Variants in RPS3A observed in about 807,000 individuals in gnomAD.
RPS3A encodes small ribosomal subunit protein eS1.
Under a neutral mutation model 26.4 loss-of-function variants are expected in RPS3A, and 1 was observed. The observed-to-expected ratio is 0.04, with a 90% CI of 0.01 to 0.18. The LOEUF is 0.18. Among genes scored for constraint, RPS3A ranks in the 10% least tolerant of loss-of-function variants. The pLI, the probability that RPS3A is intolerant of heterozygous loss-of-function variation, is 1.00. For synonymous variants in RPS3A, 97 were observed against 106.1 expected (o/e 0.91, Z 0.53); for missense variants, 139 against 326.8 (o/e 0.43, Z 4.43).
intron 1 of RPS3A, 144 bp from the exon 2 acceptor site, chr4:151,100,341 G>A: frequency 3.4e-6 from 2 of 595,542 alleles, no homozygotes; most frequent in Non-Finnish European, 6.0e-6. Context: ...ATTTATGTTT[G>A]TTCCCCTCAC....
At chr4:151,100,428 GAA>G in intron 1 of RPS3A, 55 bp from the exon 2 acceptor site, 2 of 989,266 alleles carry the variant, frequency 2.0e-6, no homozygotes, top group Non-Finnish European at 3.2e-6. Flanking sequence ...CATTAACAGT[GAA>G]AAATACAGTA....
At chr4:151,100,667 G>A in intron 2 of RPS3A, 79 bp downstream of exon 2, 1 of 863,482 alleles carries the variant, frequency 1.2e-6, no homozygotes. Flanking sequence ...TCTGTTGTTG[G>A]TCCTGTGGTG....
chr4:151,100,917 G>A lies in RPS3A; in HGVS notation c.167-58G>A. The A allele has an allele frequency of 4.1e-6, 5 of 1,233,734 alleles. No individual in the cohort carries two copies. The South Asian group carries it at 7.0e-5, about 17-fold the overall frequency. 76.4% of individuals were successfully genotyped at this position (1,233,734 alleles called of 1,614,324 possible). On this transcript the variant is annotated intron_variant, in intron 2 of 5. Coordinates refer to ENST00000274065, the MANE Select transcript of RPS3A (RefSeq NM_001006.5). ...CTTAATTTCTACCCTCAGTTTACAG[G>A]CTTGACTTTGCTTATATGGTTCCTA... is the stretch of plus-strand genomic sequence containing the variant.
chr4:151,101,971 G>C, intron 3 of RPS3A: 1 of 469,566 alleles, frequency 2.1e-6, no homozygotes, highest in Non-Finnish European at 4.2e-6. Context: ...GACTTCAAGT[G>C]ATCTGCCCGC....
At chr4:151,100,693 A>G (rs1579555798) in intron 2 of RPS3A, 105 bp downstream of exon 2, 1 of 730,294 alleles carries the variant, frequency 1.4e-6, no homozygotes, top group East Asian at 2.6e-5. Context: ...CTTTAAGGAA[A>G]TGTCAGCTCT....
At chr4:151,103,337 A>G in intron 4 of RPS3A, 1 of 637,738 alleles carries the variant, frequency 1.6e-6, no homozygotes, top group Non-Finnish European at 2.2e-6. Context: ...CACTGTAACC[A>G]CTGCTTCCTG....
chr4:151,104,439 G>GTTTTTTTGTT, intron 5 of RPS3A, 33 bp from the exon 6 acceptor site: 6 of 710,316 alleles, frequency 8.4e-6, no homozygotes, highest in Admixed American at 8.3e-5. Context: ...CAGTTTTTTG[G>GTTTTTTTGTT]TTTTTTTTTT....
rs1015733074 is a variant in RPS3A, at chr4:151,104,223, A to G, written c.610A>G (p.Ile204Val). ...GKDIEKACQSIYPLHDVFVRK... is the reference protein window; with the variant it reads ...GKDIEKACQSVYPLHDVFVRK... ...AGACATAGAAAAGGCTTGCCAATCT[A>G]TTTATCCTCTCCATGATGTCTTCGT... The change falls in exon 5 of 6, where the codon ATT (isoleucine) becomes GTT (valine). Residue 204 changes from isoleucine to valine, a missense_variant. This residue lies in a region of RPS3A where 96 missense variants were observed against 209.8 expected (regional missense o/e 0.46). Transcript: ENST00000274065. 6 of 1,613,032 alleles carry G rather than the reference A, an allele frequency of 3.7e-6. No individual in the cohort carries two copies. Among genetic ancestry groups the G allele is most frequent in the East Asian group, 2.2e-5 (1 of 44,882 alleles).
Position 151,103,940 on chromosome 4 carries a change from G to T in RPS3A, c.564-237G>T, listed in dbSNP as rs753477185. On this transcript the variant is annotated intron_variant, in intron 4 of 5. Transcript: ENST00000274065. ...AGAGGGTGTAATGGAAAAAGCATAAGGCTTGGACTCAGAAGACTCTACTAA... is the reference window on the plus strand; with the variant it reads ...AGAGGGTGTAATGGAAAAAGCATAATGCTTGGACTCAGAAGACTCTACTAA... 2.0e-6 allele frequency: 3 copies of T among 1,519,694 alleles called. No homozygotes were observed. The South Asian group carries it at 3.4e-5, about 17-fold the overall frequency. 94.1% of individuals were successfully genotyped at this position (1,519,694 alleles called of 1,614,324 possible).
chr4:151,104,439 G>GTTTTTTTTTGTTTTTT, intron 5 of RPS3A, 33 bp from the exon 6 acceptor site: 1 of 710,328 alleles, frequency 1.4e-6, no homozygotes. Flanking sequence ...CAGTTTTTTG[G>GTTTTTTTTTGTTTTTT]TTTTTTTTTT....
In RPS3A at chr4:151,104,579, C is replaced by G. The variant is rs1390777945; in HGVS notation, c.781C>G (p.Gln261Glu). ...AGCTGATGGATATGAACCACCAGTC[C>G]AAGAATCTGTTTAAAGTTCAGACTT... ...ERADGYEPPV[Q>E]ESV The change falls in exon 6 of 6, where the codon CAA becomes GAA. Residue 261 changes from glutamine to glutamate, a missense_variant. By Grantham distance (29) the Gln-to-Glu change is conservative. Coordinates refer to ENST00000274065, the MANE Select transcript of RPS3A (RefSeq NM_001006.5). 1 of 1,567,498 alleles carries G rather than the reference C, an allele frequency of 6.4e-7. No individual in the cohort carries two copies. Among genetic ancestry groups the G allele is most frequent in the Non-Finnish European group, 8.5e-7 (1 of 1,172,030 alleles).
At chr4:151,101,506 A>C (rs1747112813) in intron 3 of RPS3A, among the ~76,000 whole-genome samples, 1 of 152,130 alleles carries the variant, frequency 6.6e-6, no homozygotes, top group African/African-American at 2.4e-5. Flanking sequence ...AATTGAGTGA[A>C]TGTTGATTAA....
intron 4 of RPS3A, 109 bp from the exon 5 acceptor site, chr4:151,104,068 G>A (rs1237845344): frequency 6.7e-7 from 1 of 1,501,444 alleles, no homozygotes; most frequent in Non-Finnish European, 8.9e-7. Flanking sequence ...GTTAAATGAG[G>A]TAGGTGTTAT....
Position 151,104,273 on chromosome 4 carries a change from G to C in RPS3A, c.660G>C (p.Lys220Asn). ...TTAGAAAAGTAAAAATGCTGAAGAAGCCCAAGTTTGAATGTAAGTGAGAAA... is the reference window on the plus strand; with the variant it reads ...TTAGAAAAGTAAAAATGCTGAAGAACCCCAAGTTTGAATGTAAGTGAGAAA... ...VFVRKVKMLK[K>N]PKFELGKLME... The change falls in exon 5 of 6, where the codon AAG (lysine) becomes AAC (asparagine). Residue 220 changes from lysine (K) to asparagine (N), a missense_variant. By Grantham distance (94) the Lys-to-Asn change is moderately conservative (BLOSUM62 0). Transcript: ENST00000274065. 1 of 1,612,804 alleles carries C rather than the reference G, an allele frequency of 6.2e-7. No homozygotes were observed. The highest frequency in any genetic ancestry group is 8.5e-7 in the Non-Finnish European group (1 of 1,179,724).
chr4:151,104,438 G>GT, intron 5 of RPS3A, 34 bp from the exon 6 acceptor site: 24 of 370,302 alleles, frequency 6.5e-5, no homozygotes, highest in South Asian at 1.5e-4. Flanking sequence ...ACAGTTTTTT[G>GT]GTTTTTTTTT....
intron 4 of RPS3A, chr4:151,103,417 C>A: frequency 1.4e-6 from 1 of 711,378 alleles, no homozygotes; most frequent in Non-Finnish European, 1.8e-6. Context: ...CCATACCCAG[C>A]TAATTTTTTT....
Position 151,104,456 on chromosome 4 carries a change from T to TTTTTTTTTG in RPS3A, c.674-10_674-9insTTGTTTTTT. On this transcript the variant is annotated splice_polypyrimidine_tract_variant and intron_variant, in intron 5 of 5. Coordinates refer to ENST00000274065, the MANE Select transcript of RPS3A (RefSeq NM_001006.5). ...GTTTTTTGGTTTTTTTTTTTTTTTT[T>TTTTTTTTTG]TTTTTTGCCTTTTAGTGGGAAAGCT... The TTTTTTTTTG allele has an allele frequency of 2.1e-6, 3 of 1,411,330 alleles. No individual in the cohort carries two copies. The highest frequency in any genetic ancestry group is 1.6e-5 in the South Asian group (1 of 63,418). 87.4% of individuals were successfully genotyped at this position (1,411,330 alleles called of 1,614,324 possible).
intron 4 of RPS3A, chr4:151,103,691 C>T: frequency 1.8e-6 from 2 of 1,096,212 alleles, no homozygotes; most frequent in East Asian, 6.6e-5. Flanking sequence ...TGTTTGAGCC[C>T]AGGAGTTTGA....
intron 3 of RPS3A, chr4:151,102,112 A>G (rs1747145711): frequency 1.9e-6 from 1 of 516,536 alleles, no homozygotes; most frequent in Middle Eastern, 3.2e-4. Flanking sequence ...TTATACCATT[A>G]TATTTATCCT....
Sources: gnomAD v4.1 joint callset for allele counts (sites outside exome capture counted in the v4.1 genomes callset) on GRCh38, gnomAD v4.1.1 for gene constraint, gnomAD v4.1.1 regional missense constraint, MANE v1.5 for transcripts, NCBI Gene and HGNC (gene_info 2026-07-23, HGNC 2026-07-21) for gene names.